The following CNNM2 variants were observed in gnomAD, a reference collection of about 807,000 sequenced individuals.
The protein encoded by CNNM2 is cyclin and CBS domain divalent metal cation transport mediator 2.
A neutral mutation model predicts 66.9 loss-of-function variants in CNNM2; 12 were observed. The ratio of observed to expected loss-of-function variants is 0.18; its 90% CI spans 0.11 to 0.29. CNNM2 has a LOEUF of 0.29. Among genes scored for constraint, CNNM2 ranks in the 10% least tolerant of loss-of-function variants. The pLI, the probability that CNNM2 is intolerant of heterozygous loss-of-function variation, is 1.00. For missense variants in CNNM2, 705 were observed against 1,167.7 expected, an observed-to-expected ratio of 0.60 and a Z score of 5.77; for synonymous variants, 557 against 501.8, an observed-to-expected ratio of 1.11 and a Z score of -1.47.
chr10:103,032,678 TTTTTA>T (rs2064851158), intron 1 of CNNM2, among the ~76,000 whole-genome samples: 1 of 151,284 alleles, frequency 6.6e-6, no homozygotes, highest in Non-Finnish European at 1.5e-5. Context: ...TTTTTTTTTT[TTTTTA>T]AATAGCTGCA....
rs12781440 is a variant in CNNM2, at chr10:103,056,829, G to A, written c.1938G>A (p.Glu646=). Residue 646 remains glutamate, a synonymous_variant, in exon 4 of 8, where the codon GAG becomes GAA. Transcript: ENST00000369878. Reference sequence around the variant, plus strand: ...CATTTAGCCCATCCCAGATGTCAGAGAAGATCCTTCTAAGGCTGCTAAAGC... The same window carrying A: ...CATTTAGCCCATCCCAGATGTCAGAAAAGATCCTTCTAAGGCTGCTAAAGC... ...VEAFSPSQMS[E]KILLRLLKHP... is the part of the protein sequence containing the mutation. 1 of 1,613,986 alleles carries A rather than the reference G, an allele frequency of 6.2e-7. No individual in the cohort carries two copies. The highest frequency in any genetic ancestry group is 8.5e-7 in the Non-Finnish European group (1 of 1,179,890).
rs142923961 is a variant in CNNM2, at chr10:103,080,075, C to T, written c.*2895C>T. On this transcript the variant is annotated 3_prime_UTR_variant, in exon 8 of 8. Coordinates refer to ENST00000369878, the MANE Select transcript of CNNM2 (RefSeq NM_017649.5). ...GTCTCGATGTGGCTGCTCTTTGGCA[C>T]CTCCGCTGGACTGCCCTCCCGCGGC... 21 of 152,386 alleles carry T rather than the reference C, an allele frequency of 1.4e-4. No homozygotes were observed. In the East Asian group the frequency reaches 3.9e-3, roughly 28 times the overall value. The allele number at this position is 152,386 out of a possible 1,614,324, so 9.4% of individuals were successfully genotyped here.
At chr10:103,047,901 C>T (rs1399857834) in intron 1 of CNNM2, among the ~76,000 whole-genome samples, 1 of 152,024 alleles carries the variant, frequency 6.6e-6, no homozygotes, top group Non-Finnish European at 1.5e-5. Context: ...TACAAGTCTC[C>T]CAAAATTTTA....
At chr10:103,003,403 C>CA (rs2064162893) in intron 1 of CNNM2, among the ~76,000 whole-genome samples, 1 of 152,134 alleles carries the variant, frequency 6.6e-6, no homozygotes, top group South Asian at 2.1e-4. Flanking sequence ...CATAAGCTAC[C>CA]ACACCTAGCC....
chr10:102,994,480 AG>A (rs1453098410), intron 1 of CNNM2, among the ~76,000 whole-genome samples: 5 of 152,236 alleles, frequency 3.3e-5, no homozygotes, highest in African/African-American at 4.8e-5. Context: ...AAACAGACAA[AG>A]CTCACTTTCC....
Position 103,080,851 on chromosome 10 carries a change from TTC to T in CNNM2, c.*3677_*3678del, listed in dbSNP as rs761079914. 5 of 152,222 alleles carry T rather than the reference TTC, an allele frequency of 3.3e-5. No homozygotes were observed. The highest frequency in any genetic ancestry group is 1.2e-4 in the African/African-American group (5 of 41,458). 9.4% of individuals were successfully genotyped at this position (152,222 alleles called of 1,614,324 possible). On this transcript the variant is annotated 3_prime_UTR_variant, in exon 8 of 8. Transcript: ENST00000369878. ...GGTACCATGAACTTCTGCCCTCAAA[TTC>T]TCTCTTTGGGTTGAGGAGCAGACCT...
intron 1 of CNNM2, among the ~76,000 whole-genome samples, chr10:103,030,705 C>T (rs2064806201): frequency 6.6e-6 from 1 of 152,102 alleles, no homozygotes; most frequent in Non-Finnish European, 1.5e-5. Flanking sequence ...GAGGCTCCCT[C>T]TTGGCAGGGG....
chr10:102,939,816 C>T (rs975883422), intron 1 of CNNM2, among the ~76,000 whole-genome samples: 3 of 152,004 alleles, frequency 2.0e-5, no homozygotes, highest in African/African-American at 7.2e-5. Context: ...ACTAAAAATA[C>T]AAAAATCAGC....
At chr10:103,076,942 T>A in intron 7 of CNNM2, 29 bp from the exon 8 acceptor site, 1 of 1,599,544 alleles carries the variant, frequency 6.3e-7, no homozygotes, top group Non-Finnish European at 8.6e-7. Flanking sequence ...TTATCTTGGT[T>A]TGTTTTCTGT....
rs373895299 is a variant in CNNM2 at position 103,076,255 on chromosome 10, T to C, written c.2403T>C (p.Asp801=). Residue 801 remains aspartate (D), a synonymous_variant, in exon 7 of 8, where the codon GAT becomes GAC. Coordinates refer to ENST00000369878, the MANE Select transcript of CNNM2 (RefSeq NM_017649.5). The part of the protein sequence containing the change: ...IPDYSVRALS[D]LQFVKISRQQ... Reference sequence around the variant, plus strand: ...ATTACTCGGTGCGAGCCCTTTCGGATCTGCAGTTTGTTAAGGTGAGAGACG... The same window carrying C: ...ATTACTCGGTGCGAGCCCTTTCGGACCTGCAGTTTGTTAAGGTGAGAGACG... The C allele has an allele frequency of 2.6e-5, 40 of 1,559,612 alleles. No individual in the cohort carries two copies. Among genetic ancestry groups the C allele is most frequent in the Non-Finnish European group, 3.5e-5 (40 of 1,151,464 alleles).
In CNNM2 at chr10:103,054,902, T is replaced by C. The variant is rs2065272139; in HGVS notation, c.1903+436T>C. On this transcript the variant is annotated intron_variant, in intron 3 of 7. Coordinates refer to ENST00000369878, the MANE Select transcript of CNNM2 (RefSeq NM_017649.5). This position sits in a 1 kb window ranked among gnomAD's most constrained non-coding sequence, Gnocchi z 5.2. ...TCTTCAGCTTGTCCTGGAAGCACAG[T>C]TGGACATCAGTGGTAACACAGGGGC... Among the ~76,000 whole-genome samples, 1 of 152,188 alleles carries C rather than the reference T, an allele frequency of 6.6e-6. No individual in the cohort carries two copies. Among genetic ancestry groups the C allele is most frequent in the African/African-American group, 2.4e-5 (1 of 41,444 alleles).
chr10:102,956,595 A>G lies in CNNM2; in HGVS notation c.1621+36494A>G, dbSNP rs1487144938. 2.6e-5 allele frequency among the ~76,000 whole-genome samples: 4 copies of G among 152,212 alleles called. No homozygotes were observed. In the East Asian group the frequency reaches 7.7e-4, roughly 29 times the overall value. ...CAAATGTTCATCAATGATAGACCGG[A>G]TAAAGAAAATGTGGCACATATACAC... On this transcript the variant is annotated intron_variant, in intron 1 of 7. Coordinates refer to ENST00000369878, the MANE Select transcript of CNNM2 (RefSeq NM_017649.5).
chr10:102,932,849 C>G (rs1041650399), intron 1 of CNNM2, among the ~76,000 whole-genome samples: 4 of 143,558 alleles, frequency 2.8e-5, no homozygotes, highest in Non-Finnish European at 6.0e-5. Flanking sequence ...CCCAAGAGGT[C>G]AAGGTTGCAA....
chr10:103,014,089 C>T (rs1203954206), intron 1 of CNNM2, among the ~76,000 whole-genome samples: 1 of 152,156 alleles, frequency 6.6e-6, no homozygotes, highest in Non-Finnish European at 1.5e-5. Flanking sequence ...TTGCCCCTGC[C>T]ATTTGTCATG....
In CNNM2 at chr10:102,946,942, A is replaced by AT. The variant is rs1195288249; in HGVS notation, c.1621+26847dup. Among the ~76,000 whole-genome samples, 13 of 152,268 alleles carry AT rather than the reference A, an allele frequency of 8.5e-5. No homozygotes were observed. In the East Asian group the frequency reaches 2.5e-3, roughly 29 times the overall value. ...TGCCATACTTAATATGTTAGTATCC[A>AT]TTTTTTCCCCTTCAAATACAATTCT... On this transcript the variant is annotated intron_variant, in intron 1 of 7. Transcript: ENST00000369878.
chr10:103,033,341 A>G (rs376718938), intron 1 of CNNM2, among the ~76,000 whole-genome samples: 1 of 151,704 alleles, frequency 6.6e-6, no homozygotes, highest in African/African-American at 2.4e-5. Context: ...GGCGCCCACC[A>G]CCAGGCCCAC....
Position 102,918,883 on chromosome 10 carries a change from C to T in CNNM2, c.403C>T (p.Leu135=). 1 of 1,608,890 alleles carries T rather than the reference C, an allele frequency of 6.2e-7. No homozygotes were observed. The highest frequency in any genetic ancestry group is 1.1e-5 in the South Asian group (1 of 90,800). Residue 135 remains leucine, a synonymous_variant, in exon 1 of 8, where the codon CTG becomes TTG. Transcript: ENST00000369878. The surrounding 1 kb of genome is among the most constrained non-coding windows in gnomAD (Gnocchi z 4.1). Reference sequence around the variant, plus strand: ...GCGCCACAGCCCGGGGGAGCGCGGGCTGGGGGGCCCCGCGCCGCCAGAGCC... The same window carrying T: ...GCGCCACAGCCCGGGGGAGCGCGGGTTGGGGGGCCCCGCGCCGCCAGAGCC... ...RRRHSPGERG[L]GGPAPPEPDS...
chr10:102,930,879 C>A (rs1590266117), intron 1 of CNNM2, among the ~76,000 whole-genome samples: 3 of 152,230 alleles, frequency 2.0e-5, no homozygotes, highest in Middle Eastern at 3.4e-3. Flanking sequence ...GTATTTCATT[C>A]CTTTTTACGG....
At chr10:103,074,285 TCAAAACAAAA>T (rs940565214) in intron 6 of CNNM2, among the ~76,000 whole-genome samples, 1 of 151,802 alleles carries the variant, frequency 6.6e-6, no homozygotes, top group Non-Finnish European at 1.5e-5. Flanking sequence ...GGAGACTGTC[TCAAAACAAAA>T]CAAAACAAAA....
Sources: gnomAD v4.1 joint callset for allele counts (sites outside exome capture counted in the v4.1 genomes callset) on GRCh38, gnomAD v4.1.1 for gene constraint, Gnocchi (gnomAD v3.1) non-coding constraint, MANE v1.5 for transcripts, NCBI Gene and HGNC (gene_info 2026-07-23, HGNC 2026-07-21) for gene names.